Variants in CDKL2 observed in about 807,000 individuals in gnomAD.
CDKL2 encodes the protein cyclin-dependent kinase-like 2.
CDKL2 carries 64 observed loss-of-function variants against 63.9 expected under a neutral mutation model. That is an observed-to-expected ratio of 1.00 (90% CI 0.82 to 1.23). The LOEUF (loss-of-function observed/expected upper bound fraction) is 1.23. Among genes scored for constraint, CDKL2 ranks in the 50% most tolerant of loss-of-function variants. CDKL2 has a pLI of 0.00. For missense variants in CDKL2, 656 were observed against 668.0 expected, an observed-to-expected ratio of 0.98 and a Z score of 0.20; for synonymous variants, 211 against 229.2, an observed-to-expected ratio of 0.92 and a Z score of 0.72.
chr4:75,610,654 A>G (rs551812328), intron 3 of CDKL2, among the ~76,000 whole-genome samples: 1 of 152,272 alleles, frequency 6.6e-6, no homozygotes, highest in Admixed American at 6.5e-5. Flanking sequence ...ATTTGTTTTT[A>G]AATATGTTAT....
intron 6 of CDKL2, among the ~76,000 whole-genome samples, chr4:75,602,355 T>G (rs1729232919): frequency 6.6e-6 from 1 of 152,102 alleles, no homozygotes; most frequent in South Asian, 2.1e-4. Flanking sequence ...AATTTTTGTA[T>G]TTTTAGTAGA....
intron 12 of CDKL2, among the ~76,000 whole-genome samples, chr4:75,585,091 A>G (rs1728417912): frequency 6.6e-6 from 1 of 152,210 alleles, no homozygotes; most frequent in African/African-American, 2.4e-5. Context: ...GTGAAAGTAA[A>G]TGAAATCAAC....
Position 75,600,383 on chromosome 4 carries a change from A to G in CDKL2, c.796-14T>C. ...ATGTAAGCATTTCTGAAAAATTAAGAACACTTAGAGTTCATATCAAGAAAA... is the reference window on the plus strand; with the variant it reads ...ATGTAAGCATTTCTGAAAAATTAAGGACACTTAGAGTTCATATCAAGAAAA... On this transcript the variant is annotated splice_polypyrimidine_tract_variant and intron_variant, in intron 6 of 13. Coordinates refer to ENST00000307465, the MANE Select transcript of CDKL2 (RefSeq NM_001330724.2). 1 of 1,547,008 alleles carries G rather than the reference A, an allele frequency of 6.5e-7. No homozygotes were observed. Among genetic ancestry groups the G allele is most frequent in the Non-Finnish European group, 8.9e-7 (1 of 1,120,652 alleles).
At chr4:75,605,858 TAGG>T (rs1729405211) in intron 4 of CDKL2, among the ~76,000 whole-genome samples, 1 of 152,010 alleles carries the variant, frequency 6.6e-6, no homozygotes, top group African/African-American at 2.4e-5. Context: ...CCCAAGCATT[TAGG>T]ATAAGGAATA....
intron 2 of CDKL2, among the ~76,000 whole-genome samples, chr4:75,619,526 T>C (rs1216565174): frequency 1.4e-5 from 2 of 139,968 alleles, no homozygotes; most frequent in Non-Finnish European, 3.0e-5. Context: ...ACTTGAAAGA[T>C]GCTGAAGTGA....
intron 2 of CDKL2, among the ~76,000 whole-genome samples, chr4:75,620,569 A>G (rs1730111360): frequency 1.3e-5 from 2 of 152,228 alleles, no homozygotes; most frequent in South Asian, 4.1e-4. Flanking sequence ...TATATAACAT[A>G]ACTACTTGGA....
chr4:75,600,208 G>T (rs1399241488), intron 7 of CDKL2, 73 bp downstream of exon 7: 6 of 914,452 alleles, frequency 6.6e-6, no homozygotes, highest in African/African-American at 1.7e-5. Flanking sequence ...TAAGAGAAGT[G>T]CTATTTGTGA....
At chr4:75,589,040 G>T (rs1728590735) in intron 12 of CDKL2, among the ~76,000 whole-genome samples, 1 of 152,120 alleles carries the variant, frequency 6.6e-6, no homozygotes, top group South Asian at 2.1e-4. Flanking sequence ...ATGGGCAAAA[G>T]ATTTGAGCAG....
chr4:75,613,918 G>A (rs543978786), intron 3 of CDKL2, among the ~76,000 whole-genome samples: 4 of 152,166 alleles, frequency 2.6e-5, no homozygotes, highest in Non-Finnish European at 4.4e-5. Context: ...TTAGCCAGGC[G>A]TAGTGGTGCA....
intron 13 of CDKL2, among the ~76,000 whole-genome samples, chr4:75,579,720 T>C (rs1293882795): frequency 6.6e-6 from 1 of 152,194 alleles, no homozygotes; most frequent in East Asian, 1.9e-4. Context: ...TCTCCTTTTA[T>C]GCAAATAATG....
Position 75,585,862 on chromosome 4 carries a change from T to C in CDKL2, c.1648-3964A>G, listed in dbSNP as rs1411878595. On this transcript the variant is annotated intron_variant, in intron 12 of 13. Transcript: ENST00000307465. ...TTAACAGCACTCTTTCAAGAACTGA[T>C]AGACCTAAACAAAAAAAATTAAGAG... Among the ~76,000 whole-genome samples, 3 of 152,312 alleles carry C rather than the reference T, an allele frequency of 2.0e-5. No homozygotes were observed. In the East Asian group the frequency reaches 5.8e-4, roughly 29 times the overall value.
intron 3 of CDKL2, among the ~76,000 whole-genome samples, chr4:75,611,008 T>G (rs1299478840): frequency 2.0e-5 from 3 of 152,198 alleles, no homozygotes; most frequent in Non-Finnish European, 2.9e-5. Flanking sequence ...CTATTCTAAA[T>G]GTTTTTCATG....
At chr4:75,589,686 T>TA (rs1728625498) in intron 12 of CDKL2, among the ~76,000 whole-genome samples, 1 of 152,170 alleles carries the variant, frequency 6.6e-6, no homozygotes, top group Admixed American at 6.6e-5. Flanking sequence ...TGAAACTGTA[T>TA]ATTCACACAC....
At chr4:75,622,871 A>G in intron 2 of CDKL2, among the ~76,000 whole-genome samples, 1 of 152,134 alleles carries the variant, frequency 6.6e-6, no homozygotes, top group Non-Finnish European at 1.5e-5. Flanking sequence ...GTTTATGAAC[A>G]TTGGTAAATT....
chr4:75,608,716 G>T lies in CDKL2; in HGVS notation c.364-1355C>A, dbSNP rs188905312. Among the ~76,000 whole-genome samples the T allele has an allele frequency of 1.5e-3, 228 of 152,126 alleles. 1 individual carries two copies. The highest frequency in any genetic ancestry group is 5.4e-3 in the African/African-American group (223 of 41,534). On this transcript the variant is annotated intron_variant, in intron 3 of 13. Coordinates refer to ENST00000307465, the MANE Select transcript of CDKL2 (RefSeq NM_001330724.2). Reference sequence around the variant, plus strand: ...ACAATAAATCAAAAATCAATAGGCCGCACGCAGTGGCTCAAGCCTGTAATC... The same window carrying T: ...ACAATAAATCAAAAATCAATAGGCCTCACGCAGTGGCTCAAGCCTGTAATC...
chr4:75,620,270 T>G (rs1039524219), intron 2 of CDKL2, among the ~76,000 whole-genome samples: 3 of 152,020 alleles, frequency 2.0e-5, no homozygotes, highest in Non-Finnish European at 4.4e-5. Context: ...AGGCACACAA[T>G]GAAATAAGAC....
intron 12 of CDKL2, among the ~76,000 whole-genome samples, chr4:75,587,095 G>T (rs1039480018): frequency 6.6e-6 from 1 of 152,162 alleles, no homozygotes; most frequent in African/African-American, 2.4e-5. Flanking sequence ...TCAAGAAAAA[G>T]AAAGTGAACA....
At chr4:75,594,277 G>A (rs928274070) in intron 10 of CDKL2, among the ~76,000 whole-genome samples, 27 of 151,784 alleles carry the variant, frequency 1.8e-4, no homozygotes, top group South Asian at 4.2e-4. Flanking sequence ...GAGAAACCCC[G>A]CCTCTACTAA....
chr4:75,616,549 C>CATGAAGCA (rs1043737670), intron 2 of CDKL2, among the ~76,000 whole-genome samples: 1 of 151,248 alleles, frequency 6.6e-6, no homozygotes, highest in African/African-American at 2.4e-5. Flanking sequence ...TGGCCACCAC[C>CATGAAGCA]ATGAAGTAAT....
Sources: gnomAD v4.1 joint callset for allele counts (sites outside exome capture counted in the v4.1 genomes callset) on GRCh38, gnomAD v4.1.1 for gene constraint, MANE v1.5 for transcripts, NCBI Gene and HGNC (gene_info 2026-07-23, HGNC 2026-07-21) for gene names.